PLEKHO2: variants seen among roughly 807,000 people sequenced by gnomAD.
The protein encoded by PLEKHO2 is pleckstrin homology domain-containing family O member 2.
Under a neutral mutation model 32.7 loss-of-function variants are expected in PLEKHO2, and 20 were observed. The observed-to-expected ratio is 0.61, with a 90% CI of 0.43 to 0.89. The LOEUF is 0.89. Among genes scored for constraint, PLEKHO2 ranks in the 40% least tolerant of loss-of-function variants. The pLI is 0.00. For missense variants in PLEKHO2, 568 were observed against 621.2 expected (o/e 0.91, Z 0.91); for synonymous variants, 247 against 246.3 (o/e 1.00, Z -0.03).
chr15:64,842,434 CTGTG>C (rs142414772), intron 1 of PLEKHO2, among the ~76,000 whole-genome samples: 5 of 139,630 alleles, frequency 3.6e-5, no homozygotes, highest in African/African-American at 5.6e-5. Context: ...CGGATCCTGA[CTGTG>C]TGTGTGTGTG....
Position 64,859,917 on chromosome 15 carries a change from AC to A in PLEKHO2, c.306del (p.Thr103ProfsTer27). 1 of 1,614,020 alleles carries A rather than the reference AC, an allele frequency of 6.2e-7. No individual in the cohort carries two copies. Among genetic ancestry groups the A allele is most frequent in the Non-Finnish European group, 8.5e-7 (1 of 1,179,990 alleles). On this transcript the variant is annotated frameshift_variant, in exon 4 of 6. Coordinates refer to ENST00000323544, the MANE Select transcript of PLEKHO2 (RefSeq NM_025201.5). LOFTEE classifies it high-confidence loss of function. ...AGGTCAGCGACATCAAATTCCAGGC[AC>A]CCACCGGGGAGGAGAAGGAATCCTG... The part of the protein sequence containing the change: ...NKVSDIKFQA[P>X]TGEEKESWIK...
chr15:64,848,728 G>A lies in PLEKHO2; in HGVS notation c.148G>A (p.Val50Ile). Residue 50 changes from valine (V) to isoleucine (I), a missense_variant, in exon 2 of 6, where the codon GTC (valine) becomes ATC (isoleucine). Transcript: ENST00000323544. ...YLLLCQAQLL[V>I]YENEDDQKCV... ...GCTCCTCTGCCAGGCCCAGCTGCTG[G>A]TCTATGAGAATGAGGTGAGGACCTG... 6.2e-7 allele frequency: 1 copy of A among 1,614,148 alleles called. No homozygotes were observed. The highest frequency in any genetic ancestry group is 1.1e-5 in the South Asian group (1 of 91,084).
chr15:64,860,056 T>C, intron 4 of PLEKHO2, 58 bp downstream of exon 4: 1 of 1,488,320 alleles, frequency 6.7e-7, no homozygotes, highest in Middle Eastern at 1.9e-4. Flanking sequence ...CTGCGTGTGA[T>C]CTAGGAGAGG....
chr15:64,849,238 T>G (rs1287117221), intron 2 of PLEKHO2, among the ~76,000 whole-genome samples: 1 of 151,790 alleles, frequency 6.6e-6, no homozygotes, highest in Non-Finnish European at 1.5e-5. Context: ...ATCTCCTGGG[T>G]CCTGGTTCAA....
At chr15:64,846,276 G>C (rs570547615) in intron 1 of PLEKHO2, among the ~76,000 whole-genome samples, 1 of 152,006 alleles carries the variant, frequency 6.6e-6, no homozygotes, top group South Asian at 2.1e-4. Flanking sequence ...GCTCATAATC[G>C]GCCAGCCTTC....
intron 4 of PLEKHO2, 53 bp downstream of exon 4, chr15:64,860,051 T>C: frequency 2.0e-6 from 3 of 1,526,106 alleles, no homozygotes; most frequent in Non-Finnish European, 2.7e-6. Flanking sequence ...TCCCACTGCG[T>C]GTGATCTAGG....
chr15:64,853,291 T>G (rs1247214375), intron 2 of PLEKHO2, among the ~76,000 whole-genome samples: 27 of 149,098 alleles, frequency 1.8e-4, no homozygotes, highest in African/African-American at 6.7e-4. Context: ...TTTTTTTTTT[T>G]TTTGAGACAG....
chr15:64,853,352 C>T (rs1262263429), intron 2 of PLEKHO2, among the ~76,000 whole-genome samples: 2 of 149,766 alleles, frequency 1.3e-5, no homozygotes, highest in Non-Finnish European at 3.0e-5. Flanking sequence ...TCTTGGCTCA[C>T]TGCAAGCTCC....
chr15:64,844,793 G>A (rs1378114515), intron 1 of PLEKHO2, among the ~76,000 whole-genome samples: 4 of 152,066 alleles, frequency 2.6e-5, no homozygotes, highest in Admixed American at 2.6e-4. Context: ...CTTCTGCAGG[G>A]GTCTCCCAAA....
chr15:64,865,755 C>T lies in PLEKHO2; in HGVS notation c.1340C>T (p.Ala447Val), dbSNP rs549084702. The T allele has an allele frequency of 6.2e-7, 1 of 1,614,216 alleles. No homozygotes were observed. The highest frequency in any genetic ancestry group is 8.5e-7 in the Non-Finnish European group (1 of 1,180,032). The part of the protein sequence containing the change: ...PVSAETLLSQ[A>V]VEQLRQATQV... ...AGTGCCGAAACATTGCTCAGCCAGG[C>T]TGTGGAGCAGCTGAGGCAGGCCACC... Residue 447 changes from alanine (A) to valine (V), a missense_variant, in exon 6 of 6, where the codon GCT becomes GTT. Ala to Val is a moderately conservative substitution (Grantham distance 64). Coordinates refer to ENST00000323544, the MANE Select transcript of PLEKHO2 (RefSeq NM_025201.5).
chr15:64,843,768 T>C (rs2084503382), intron 1 of PLEKHO2, among the ~76,000 whole-genome samples: 1 of 151,952 alleles, frequency 6.6e-6, no homozygotes, highest in African/African-American at 2.4e-5. Context: ...TTAGTAGACA[T>C]GGGGTTTCTC....
chr15:64,843,948 CCA>C (rs2084504781), intron 1 of PLEKHO2, among the ~76,000 whole-genome samples: 1 of 152,120 alleles, frequency 6.6e-6, no homozygotes, highest in Non-Finnish European at 1.5e-5. Flanking sequence ...AAGTTCTTGT[CCA>C]CTTTACCCAA....
intron 5 of PLEKHO2, among the ~76,000 whole-genome samples, chr15:64,864,596 C>A (rs976915667): frequency 1.3e-5 from 2 of 152,142 alleles, no homozygotes; most frequent in African/African-American, 4.8e-5. Context: ...CTTGTATAGT[C>A]CAGTCCAGGT....
chr15:64,858,064 C>T (rs1376746450), intron 3 of PLEKHO2, among the ~76,000 whole-genome samples: 1 of 152,208 alleles, frequency 6.6e-6, no homozygotes, highest in Non-Finnish European at 1.5e-5. Context: ...TAGCAGGTCC[C>T]GTCACAGAGT....
intron 1 of PLEKHO2, 84 bp downstream of exon 1, chr15:64,842,112 C>G: frequency 8.7e-7 from 1 of 1,144,954 alleles, no homozygotes; most frequent in Non-Finnish European, 1.1e-6. Flanking sequence ...GGCCCTCGTT[C>G]CTGCCCGCCC....
In PLEKHO2 at chr15:64,844,201, G is replaced by A. The variant is rs149943285; in HGVS notation, c.12+2173G>A. Among the ~76,000 whole-genome samples the A allele has an allele frequency of 4.2e-3, 638 of 152,272 alleles. 6 individuals are homozygous for A. Among genetic ancestry groups the A allele is most frequent in the South Asian group, 0.022 (107 of 4,818 alleles). ...CTTTCAGCCCTCCTGCTAGCTTTCA[G>A]CTTCCTCCCTGTGCCCGGCCACCCT... On this transcript the variant is annotated intron_variant, in intron 1 of 5. Coordinates refer to ENST00000323544, the MANE Select transcript of PLEKHO2 (RefSeq NM_025201.5).
Position 64,842,044 on chromosome 15 carries a change from G to A in PLEKHO2, c.12+16G>A. On this transcript the variant is annotated intron_variant, in intron 1 of 5. Transcript: ENST00000323544. Reference sequence around the variant, plus strand: ...GGAGGAGGAGGTGAGGGCGGGGCCCGGCGGGGCGTTGGGCTGGGGTCCTCG... The same window carrying A: ...GGAGGAGGAGGTGAGGGCGGGGCCCAGCGGGGCGTTGGGCTGGGGTCCTCG... The A allele has an allele frequency of 8.1e-7, 1 of 1,239,244 alleles. No individual in the cohort carries two copies. Among genetic ancestry groups the A allele is most frequent in the Non-Finnish European group, 1.0e-6 (1 of 991,180 alleles). The allele number at this position is 1,239,244 out of a possible 1,614,324, so 76.8% of individuals were successfully genotyped here.
Position 64,866,040 on chromosome 15 carries a change from C to T in PLEKHO2, c.*152C>T. 9.8e-7 allele frequency: 1 copy of T among 1,024,858 alleles called. No individual in the cohort carries two copies. The highest frequency in any genetic ancestry group is 1.4e-6 in the Non-Finnish European group (1 of 723,620). 63.5% of individuals were successfully genotyped at this position (1,024,858 alleles called of 1,614,324 possible). A position where few individuals can be genotyped will look rare whatever the true frequency, so the allele number is the denominator to read the frequency against. On this transcript the variant is annotated 3_prime_UTR_variant, in exon 6 of 6. Transcript: ENST00000323544. ...GTTTGGCCATGACCCGAAGAGACTC[C>T]TGGCGTCCTTCCTACTCTGCTCTGG...
intron 2 of PLEKHO2, among the ~76,000 whole-genome samples, chr15:64,850,564 G>A (rs1400084287): frequency 2.6e-5 from 4 of 152,154 alleles, no homozygotes; most frequent in Non-Finnish European, 5.9e-5. Context: ...GGGTAAAGAG[G>A]CAGATTGCCT....
Sources: gnomAD v4.1 joint callset for allele counts (sites outside exome capture counted in the v4.1 genomes callset) on GRCh38, gnomAD v4.1.1 for gene constraint, MANE v1.5 for transcripts, NCBI Gene and HGNC (gene_info 2026-07-23, HGNC 2026-07-21) for gene names.